AAMDC: variants seen among roughly 807,000 people sequenced by gnomAD.
AAMDC encodes the protein adipogenesis associated Mth938 domain containing.
AAMDC carries 16 observed loss-of-function variants against 15.5 expected under a neutral mutation model. The ratio of observed to expected loss-of-function variants is 1.03; its 90% CI spans 0.70 to 1.57. The LOEUF (loss-of-function observed/expected upper bound fraction) is 1.57, where lower values mean the gene tolerates loss of function less well. Among genes scored for constraint, AAMDC ranks in the 40% most tolerant of loss-of-function variants. The probability of loss-of-function intolerance (pLI) is 0.00; values close to 1 mark genes in which losing one functional copy is unlikely to be tolerated. For synonymous variants in AAMDC, 51 were observed against 51.6 expected, an observed-to-expected ratio of 0.99 and a Z score of 0.05; for missense variants, 141 against 144.9, an observed-to-expected ratio of 0.97 and a Z score of 0.14.
intron 5 of AAMDC, among the ~76,000 whole-genome samples, chr11:77,896,269 A>T (rs190057192): frequency 4.1e-4 from 62 of 152,350 alleles, no homozygotes; most frequent in African/African-American, 1.1e-3. Flanking sequence ...TGGAAATAAA[A>T]CACATAATAA....
chr11:77,878,361 C>CAA (rs35818983), intron 5 of AAMDC, among the ~76,000 whole-genome samples: 23 of 126,908 alleles, frequency 1.8e-4, no homozygotes, highest in African/African-American at 5.3e-4. Flanking sequence ...GACTCCATCT[C>CAA]AAAAAAAAAA....
intron 1 of AAMDC, among the ~76,000 whole-genome samples, chr11:77,824,422 C>T (rs1348946968): frequency 6.6e-6 from 1 of 151,980 alleles, no homozygotes; most frequent in East Asian, 1.9e-4. Context: ...AATTTCATGT[C>T]CTATTAGGGG....
intron 2 of AAMDC, among the ~76,000 whole-genome samples, chr11:77,863,616 T>G (rs144923176): frequency 6.6e-6 from 1 of 152,174 alleles, no homozygotes; most frequent in African/African-American, 2.4e-5. Context: ...CTTGAACTCC[T>G]GGCCTCAAGA....
intron 5 of AAMDC, among the ~76,000 whole-genome samples, chr11:77,881,998 A>AC (rs1413631163): frequency 6.7e-6 from 1 of 150,296 alleles, no homozygotes; most frequent in Admixed American, 6.6e-5. Flanking sequence ...TGCAGCCTTG[A>AC]CCCCCCAGAC....
downstream of AAMDC, among the ~76,000 whole-genome samples, chr11:77,873,149 G>A (rs1017047484): frequency 1.3e-5 from 2 of 152,066 alleles, no homozygotes; most frequent in South Asian, 2.1e-4. Context: ...ATGGGCTTTG[G>A]TGTCAAATAG....
intron 2 of AAMDC, among the ~76,000 whole-genome samples, chr11:77,860,425 C>T (rs1950827567): frequency 6.6e-6 from 1 of 152,190 alleles, no homozygotes; most frequent in African/African-American, 2.4e-5. Context: ...GGCCCTGGTG[C>T]CTTAGGATAA....
intron 2 of AAMDC, among the ~76,000 whole-genome samples, chr11:77,846,393 C>A (rs1000113619): frequency 6.6e-6 from 1 of 152,192 alleles, no homozygotes; most frequent in Non-Finnish European, 1.5e-5. Flanking sequence ...CCAAGGCAGG[C>A]AGCTCATTTT....
At chr11:77,843,418 G>A (rs1950016054) in intron 2 of AAMDC, among the ~76,000 whole-genome samples, 1 of 152,248 alleles carries the variant, frequency 6.6e-6, no homozygotes, top group South Asian at 2.1e-4. Flanking sequence ...AGGATGAGAG[G>A]CACTAAAGTC....
At chr11:77,868,343 C>CCACG (rs1951221758) in intron 2 of AAMDC, among the ~76,000 whole-genome samples, 1 of 149,854 alleles carries the variant, frequency 6.7e-6, no homozygotes, top group Non-Finnish European at 1.5e-5. Flanking sequence ...GTGTGAGCCA[C>CCACG]CACGCCCAGC....
chr11:77,834,446 T>TG (rs1333058069), intron 1 of AAMDC, among the ~76,000 whole-genome samples: 7 of 147,610 alleles, frequency 4.7e-5, no homozygotes, highest in East Asian at 2.0e-4. Context: ...ATTTTGTTTT[T>TG]TTTTTTTTTT....
chr11:77,892,675 C>T (rs1456140997), intron 5 of AAMDC, among the ~76,000 whole-genome samples: 1 of 152,062 alleles, frequency 6.6e-6, no homozygotes, highest in African/African-American at 2.4e-5. Flanking sequence ...CTCCGCCTCC[C>T]GGGTTCAAGC....
downstream of AAMDC, among the ~76,000 whole-genome samples, chr11:77,875,936 G>A (rs139998610): frequency 6.4e-3 from 970 of 152,266 alleles, 4 homozygotes; most frequent in Non-Finnish European, 0.01. Context: ...GGCTGGAAAC[G>A]AAGCAGAGCC....
downstream of AAMDC, chr11:77,903,394 C>G (rs1379433070): frequency 6.2e-7 from 1 of 1,602,688 alleles, no homozygotes; most frequent in African/African-American, 1.3e-5. Context: ...AATCACTCTG[C>G]TTCAAATACA....
At chr11:77,836,561 T>C (rs1010055711) in intron 1 of AAMDC, among the ~76,000 whole-genome samples, 2 of 152,216 alleles carry the variant, frequency 1.3e-5, no homozygotes, top group African/African-American at 4.8e-5. Flanking sequence ...ACACGCAGTC[T>C]GTGGTATTTT....
intron 2 of AAMDC, among the ~76,000 whole-genome samples, chr11:77,859,121 T>C (rs1950765022): frequency 6.6e-6 from 1 of 152,220 alleles, no homozygotes; most frequent in Admixed American, 6.5e-5. Context: ...TTTTTCCTTC[T>C]TCAGTGGCTA....
intron 2 of AAMDC, among the ~76,000 whole-genome samples, chr11:77,863,032 C>T (rs557207419): frequency 1.2e-4 from 18 of 152,152 alleles, no homozygotes; most frequent in South Asian, 6.2e-4. Context: ...GGTGGTGGGC[C>T]GCTTCTAAGA....
downstream of AAMDC, chr11:77,903,628 G>A (rs1952847200): frequency 6.2e-7 from 1 of 1,610,060 alleles, no homozygotes; most frequent in South Asian, 1.1e-5. Flanking sequence ...GGCCTACGCA[G>A]ACAAATCAGG....
intron 2 of AAMDC, among the ~76,000 whole-genome samples, chr11:77,867,049 C>T (rs1233377354): frequency 1.3e-5 from 2 of 152,132 alleles, no homozygotes; most frequent in East Asian, 1.9e-4. Context: ...CCACCTTAGC[C>T]AGGCTGGTCT....
intron 2 of AAMDC, among the ~76,000 whole-genome samples, chr11:77,857,169 A>G (rs1950655809): frequency 6.6e-6 from 1 of 152,342 alleles, no homozygotes; most frequent in Non-Finnish European, 1.5e-5. Context: ...AATTAAGCAA[A>G]AAGATAATTG....
Sources: allele counts gnomAD v4.1 joint callset (sites outside exome capture counted in the v4.1 genomes callset), GRCh38; gene constraint gnomAD v4.1.1; transcripts MANE v1.5; gene names NCBI Gene and HGNC (gene_info 2026-07-23, HGNC 2026-07-21).